CRACR2A: variants seen among roughly 807,000 people sequenced by gnomAD.
CRACR2A encodes EF-hand calcium-binding domain-containing protein 4B.
CRACR2A carries 79 observed loss-of-function variants against 90.5 expected under a neutral mutation model. The ratio of observed to expected loss-of-function variants is 0.87; its 90% CI spans 0.73 to 1.05. The LOEUF (loss-of-function observed/expected upper bound fraction) is 1.05, where lower values mean the gene tolerates loss of function less well. CRACR2A is among the 50% of genes least tolerant of loss of function. The pLI is 0.00. For synonymous variants in CRACR2A, 338 were observed against 356.7 expected (o/e 0.95, Z 0.59); for missense variants, 823 against 897.2 (o/e 0.92, Z 1.06).
At chr12:3,731,007 C>G (rs1169043067) in intron 2 of CRACR2A, 1 of 152,206 alleles carries the variant, frequency 6.6e-6, no homozygotes, top group Admixed American at 6.5e-5. Flanking sequence ...TACGAACAGC[C>G]TGCAGGCTTC....
intron 11 of CRACR2A, among the ~76,000 whole-genome samples, chr12:3,645,193 G>C (rs942044247): frequency 2.0e-5 from 3 of 152,222 alleles, no homozygotes; most frequent in African/African-American, 7.2e-5. Context: ...TGGAGTAAAA[G>C]AAGCCAGAGT....
intron 17 of CRACR2A, among the ~76,000 whole-genome samples, chr12:3,623,699 A>G (rs540790914): frequency 6.6e-6 from 1 of 152,312 alleles, no homozygotes; most frequent in South Asian, 2.1e-4. Flanking sequence ...GTGACTTCCT[A>G]TAAGGCACTC....
intron 4 of CRACR2A, among the ~76,000 whole-genome samples, chr12:3,685,240 G>C (rs1006321150): frequency 6.6e-6 from 1 of 152,208 alleles, no homozygotes; most frequent in African/African-American, 2.4e-5. Context: ...AGAAATGCCC[G>C]TTTCTTTTCT....
At chr12:3,637,194 A>C (rs1397813675) in intron 14 of CRACR2A, among the ~76,000 whole-genome samples, 1 of 152,230 alleles carries the variant, frequency 6.6e-6, no homozygotes, top group Non-Finnish European at 1.5e-5. Context: ...TCGGGATGAA[A>C]GTGTGATTCG....
At chr12:3,747,773 G>A (rs976096703) in intron 1 of CRACR2A, among the ~76,000 whole-genome samples, 19 of 152,178 alleles carry the variant, frequency 1.2e-4, no homozygotes, top group Admixed American at 3.9e-4. Context: ...AGCCACACCC[G>A]CTGGTTCCAG....
intron 10 of CRACR2A, 123 bp downstream of exon 10, chr12:3,654,089 G>A (rs1944850404): frequency 1.8e-6 from 2 of 1,109,510 alleles, no homozygotes; most frequent in African/African-American, 1.6e-5. Context: ...GTCTCAGGGA[G>A]CAACAAGCCC....
intron 15 of CRACR2A, among the ~76,000 whole-genome samples, chr12:3,629,498 T>G (rs1384509260): frequency 6.6e-6 from 1 of 152,180 alleles, no homozygotes; most frequent in African/African-American, 2.4e-5. Context: ...AAGGCCTCCA[T>G]GGTCATACAG....
intron 3 of CRACR2A, among the ~76,000 whole-genome samples, chr12:3,709,517 C>T (rs1053821329): frequency 2.6e-5 from 4 of 152,256 alleles, no homozygotes; most frequent in African/African-American, 9.6e-5. Flanking sequence ...GTGGCTCACG[C>T]CTGTAATCCC....
rs1591680943 is a variant in CRACR2A at position 3,678,891 on chromosome 12, C to T, written c.524+24G>A. 3.2e-6 allele frequency: 5 copies of T among 1,583,922 alleles called. No individual in the cohort carries two copies. In the East Asian group the frequency reaches 1.1e-4, roughly 36 times the overall value. On this transcript the variant is annotated intron_variant, in intron 6 of 19. Coordinates refer to ENST00000440314, the MANE Select transcript of CRACR2A (RefSeq NM_001144958.2). ...GGTTCCTACCAGGCTGGTCTCCGTT[C>T]TACAAATCACTGTCACCACTTACTC...
At chr12:3,636,061 T>C (rs1416569554) in intron 14 of CRACR2A, among the ~76,000 whole-genome samples, 1 of 152,220 alleles carries the variant, frequency 6.6e-6, no homozygotes, top group African/African-American at 2.4e-5. Context: ...GTCCCTATTA[T>C]TGGACATTTT....
chr12:3,704,958 G>A (rs1945893480), intron 3 of CRACR2A, among the ~76,000 whole-genome samples: 1 of 152,190 alleles, frequency 6.6e-6, no homozygotes, highest in South Asian at 2.1e-4. Flanking sequence ...CAAAACAGCA[G>A]AAGTGCTTCT....
chr12:3,673,417 C>T (rs1337229052), intron 7 of CRACR2A, 29 bp downstream of exon 7: 1 of 1,594,602 alleles, frequency 6.3e-7, no homozygotes, highest in East Asian at 2.2e-5. Flanking sequence ...CACATAGTTA[C>T]AGAAAGCGGC....
chr12:3,657,730 T>G (rs937941956), intron 8 of CRACR2A, among the ~76,000 whole-genome samples: 18 of 152,058 alleles, frequency 1.2e-4, no homozygotes, highest in Admixed American at 6.5e-5. Flanking sequence ...CTGTGAAAAA[T>G]GCTGGGAGCA....
At chr12:3,681,403 G>C (rs544144199) in intron 4 of CRACR2A, among the ~76,000 whole-genome samples, 1 of 152,352 alleles carries the variant, frequency 6.6e-6, no homozygotes, top group South Asian at 2.1e-4. Context: ...ACCTCATAAG[G>C]AGGGAAGGGC....
intron 15 of CRACR2A, among the ~76,000 whole-genome samples, chr12:3,628,589 G>A (rs1944320917): frequency 6.6e-6 from 1 of 152,198 alleles, no homozygotes; most frequent in Non-Finnish European, 1.5e-5. Flanking sequence ...TCCCACAGCA[G>A]CCCTCATAGG....
intron 7 of CRACR2A, among the ~76,000 whole-genome samples, chr12:3,671,250 CAGA>C (rs1247705656): frequency 6.6e-6 from 1 of 152,124 alleles, no homozygotes; most frequent in African/African-American, 2.4e-5. Flanking sequence ...CCTTAGAGAA[CAGA>C]AGAATGCCTT....
chr12:3,679,010 G>C lies in CRACR2A; in HGVS notation c.429C>G (p.Ser143=), dbSNP rs764623427. The C allele has an allele frequency of 6.2e-7, 1 of 1,614,066 alleles. No individual in the cohort carries two copies. Among genetic ancestry groups the C allele is most frequent in the Non-Finnish European group, 8.5e-7 (1 of 1,179,984 alleles). Residue 143 remains serine, a synonymous_variant, in exon 6 of 20, where the codon TCC becomes TCG. Transcript: ENST00000440314. ...AQRHEEKVYL[S]RGDEDLGDMG... ...TGTCGCCCAGATCCTCATCCCCTCT[G>C]GACAGATACACCTTCTCTTCATGGC...
chr12:3,684,540 A>G (rs1945518473), intron 4 of CRACR2A, among the ~76,000 whole-genome samples: 1 of 152,162 alleles, frequency 6.6e-6, no homozygotes, highest in South Asian at 2.1e-4. Context: ...CACTTCCCTC[A>G]CCAGTCGTTT....
At chr12:3,682,364 A>C (rs953333975) in intron 4 of CRACR2A, among the ~76,000 whole-genome samples, 8 of 152,234 alleles carry the variant, frequency 5.3e-5, no homozygotes, top group Non-Finnish European at 1.2e-4. Context: ...AGCATGAACC[A>C]GGAGAGGCTA....
Sources: gnomAD v4.1 joint callset for allele counts (sites outside exome capture counted in the v4.1 genomes callset) on GRCh38, gnomAD v4.1.1 for gene constraint, MANE v1.5 for transcripts, NCBI Gene and HGNC (gene_info 2026-07-23, HGNC 2026-07-21) for gene names.